PRKCZ: variants seen among roughly 807,000 people sequenced by gnomAD.
The protein encoded by PRKCZ is protein kinase C zeta type.
In PRKCZ, 33 loss-of-function variants were observed where a neutral mutation model predicts 79.5. That is an observed-to-expected ratio of 0.41 (90% CI 0.31 to 0.55). The LOEUF (loss-of-function observed/expected upper bound fraction) is 0.55, where lower values mean the gene tolerates loss of function less well. PRKCZ is among the 20% of genes least tolerant of loss of function. PRKCZ has a pLI of 0.19. For synonymous variants in PRKCZ, 342 were observed against 320.9 expected (o/e 1.07, Z -0.70); for missense variants, 578 against 813.5 (o/e 0.71, Z 3.52).
At chr1:2,051,638 G>A (rs904078047) in intron 1 of PRKCZ, among the ~76,000 whole-genome samples, 3 of 152,188 alleles carry the variant, frequency 2.0e-5, no homozygotes, top group Non-Finnish European at 2.9e-5. Flanking sequence ...TACAGCGTGG[G>A]CAACCTGAGC....
intron 4 of PRKCZ, among the ~76,000 whole-genome samples, chr1:2,077,839 C>A (rs538324415): frequency 1.3e-5 from 2 of 152,362 alleles, no homozygotes; most frequent in Non-Finnish European, 2.9e-5. Context: ...TCTCTTCCTT[C>A]CTTGTTCCAT....
intron 4 of PRKCZ, among the ~76,000 whole-genome samples, chr1:2,091,409 T>G (rs1475217481): frequency 1.3e-5 from 2 of 152,216 alleles, no homozygotes; most frequent in Non-Finnish European, 2.9e-5. Flanking sequence ...AAGTGTGTAG[T>G]TCAGTAAAGT....
intron 4 of PRKCZ, chr1:2,135,020 C>T: frequency 2.5e-6 from 1 of 400,006 alleles, no homozygotes; most frequent in African/African-American, 2.0e-5. Flanking sequence ...CCTGCGAGGA[C>T]ACCTGGCTCC....
intron 4 of PRKCZ, among the ~76,000 whole-genome samples, chr1:2,097,014 C>CCA (rs1666643682): frequency 6.6e-6 from 1 of 152,356 alleles, no homozygotes; most frequent in East Asian, 1.9e-4. Context: ...TGAGCAAGGT[C>CCA]CACGCAGCCC....
chr1:2,058,996 T>C (rs112001322), intron 3 of PRKCZ, among the ~76,000 whole-genome samples: 26 of 152,260 alleles, frequency 1.7e-4, no homozygotes, highest in African/African-American at 6.0e-4. Context: ...GGTTTCGTCA[T>C]GTTGGCCAGG....
At chr1:2,114,704 G>T (rs1353378697) in intron 4 of PRKCZ, among the ~76,000 whole-genome samples, 2 of 152,128 alleles carry the variant, frequency 1.3e-5, no homozygotes, top group Non-Finnish European at 2.9e-5. Context: ...AACCCGGGAG[G>T]TGGAGGTGGC....
intron 4 of PRKCZ, among the ~76,000 whole-genome samples, chr1:2,062,360 C>T (rs1660762649): frequency 6.6e-6 from 1 of 152,128 alleles, no homozygotes; most frequent in Admixed American, 6.6e-5. Context: ...TGTCCTTTTG[C>T]CTCTAGTGGC....
rs547015195 is a variant in PRKCZ at position 2,159,287 on chromosome 1, T to TGGCCC, written c.974+3196_974+3200dup. ...GTCCGGGTGGCGGAAAAGTCTGGCCTGGCCCAGGTGGGTGTGCTCGGCTGT... is the reference window on the plus strand; with the variant it reads ...GTCCGGGTGGCGGAAAAGTCTGGCCTGGCCCGGCCCAGGTGGGTGTGCTCGGCTGT... On this transcript the variant is annotated intron_variant, in intron 10 of 17. Transcript: ENST00000378567. Among the ~76,000 whole-genome samples the TGGCCC allele has an allele frequency of 7.4e-3, 1,132 of 152,394 alleles. 9 individuals are homozygous for TGGCCC. The highest frequency in any genetic ancestry group is 0.016 in the South Asian group (79 of 4,830).
chr1:2,054,605 G>A (rs1659984186), intron 1 of PRKCZ, among the ~76,000 whole-genome samples: 1 of 151,972 alleles, frequency 6.6e-6, no homozygotes, highest in South Asian at 2.1e-4. Flanking sequence ...TTCTGCCGTG[G>A]CTGCAGCAAC....
chr1:2,140,788 G>T (rs936116676), intron 5 of PRKCZ, among the ~76,000 whole-genome samples: 10 of 152,200 alleles, frequency 6.6e-5, no homozygotes. Flanking sequence ...GGCCAACATG[G>T]CGAAACTTTG....
intron 8 of PRKCZ, 49 bp downstream of exon 8, chr1:2,148,973 T>A (rs760254919): frequency 1.3e-5 from 21 of 1,575,858 alleles, no homozygotes; most frequent in Non-Finnish European, 1.6e-5. Context: ...CTCTGGAAAG[T>A]CTGTGAGCCT....
chr1:2,138,620 C>T (rs917997341), intron 5 of PRKCZ, among the ~76,000 whole-genome samples: 32 of 151,626 alleles, frequency 2.1e-4, no homozygotes, highest in Admixed American at 7.9e-4. Flanking sequence ...TCACAGTAAA[C>T]GGCAGGTGGA....
intron 9 of PRKCZ, among the ~76,000 whole-genome samples, chr1:2,155,326 T>G (rs1395565786): frequency 6.6e-6 from 1 of 151,674 alleles, no homozygotes; most frequent in Non-Finnish European, 1.5e-5. Flanking sequence ...ACAGTGATGA[T>G]GGTAGTGGTG....
intron 10 of PRKCZ, among the ~76,000 whole-genome samples, chr1:2,162,979 G>A (rs1231474706): frequency 1.3e-5 from 2 of 152,074 alleles, no homozygotes; most frequent in African/African-American, 4.8e-5. Flanking sequence ...CTTTCAGGTG[G>A]TTTTCTGGGG....
intron 4 of PRKCZ, among the ~76,000 whole-genome samples, chr1:2,098,910 T>A (rs1666991162): frequency 6.6e-6 from 1 of 152,186 alleles, no homozygotes; most frequent in Non-Finnish European, 1.5e-5. Flanking sequence ...CTTGATTTCC[T>A]GACCTCGTGA....
chr1:2,105,861 G>A (rs1022002544), intron 4 of PRKCZ, among the ~76,000 whole-genome samples: 2 of 152,170 alleles, frequency 1.3e-5, no homozygotes, highest in African/African-American at 4.8e-5. Flanking sequence ...TGTCATCGTC[G>A]GATGAGAATT....
intron 4 of PRKCZ, among the ~76,000 whole-genome samples, chr1:2,062,113 G>A (rs1315468869): frequency 6.6e-6 from 1 of 152,182 alleles, no homozygotes. Flanking sequence ...GGACCTTCTG[G>A]CACATTCTAT....
chr1:2,051,709 C>T (rs968999924), intron 1 of PRKCZ, among the ~76,000 whole-genome samples: 1 of 152,150 alleles, frequency 6.6e-6, no homozygotes, highest in African/African-American at 2.4e-5. Flanking sequence ...GCCACGTCCT[C>T]TCAGGACAGT....
chr1:2,095,278 G>A (rs944218415), intron 4 of PRKCZ, among the ~76,000 whole-genome samples: 2 of 152,180 alleles, frequency 1.3e-5, no homozygotes, highest in African/African-American at 4.8e-5. Context: ...TGCCCTCCTG[G>A]CAGGGGCCCT....
Sources: gnomAD v4.1 joint callset for allele counts (sites outside exome capture counted in the v4.1 genomes callset) on GRCh38, gnomAD v4.1.1 for gene constraint, MANE v1.5 for transcripts, NCBI Gene and HGNC (gene_info 2026-07-23, HGNC 2026-07-21) for gene names.